Variants in FAM186B observed in about 807,000 individuals in gnomAD.
FAM186B encodes protein FAM186B.
Under a neutral mutation model 83.4 loss-of-function variants are expected in FAM186B, and 68 were observed. That is an observed-to-expected ratio of 0.81 (90% CI 0.67 to 1.00). The LOEUF (loss-of-function observed/expected upper bound fraction) is 1.00, where lower values mean the gene tolerates loss of function less well. FAM186B is among the 50% of genes least tolerant of loss of function. The pLI is 0.00. For missense variants in FAM186B, 983 were observed against 1,099.2 expected, an observed-to-expected ratio of 0.89 and a Z score of 1.49; for synonymous variants, 389 against 422.0, an observed-to-expected ratio of 0.92 and a Z score of 0.96.
chr12:49,600,986 C>G lies in FAM186B; in HGVS notation c.654G>C (p.Glu218Asp). ...KASEVTSMLQ[E>D]LLDSTMFSKG... ...TGCTGAACATGGTAGAGTCCAGGAG[C>G]TCCTGCAGCATGGACGTCACCTCCG... The change falls in exon 4 of 7, where the codon GAG becomes GAC. Residue 218 changes from glutamate (E) to aspartate (D), a missense_variant. Transcript: ENST00000257894. This position sits in a 1 kb window ranked among gnomAD's most constrained non-coding sequence, Gnocchi z 4.3. The G allele has an allele frequency of 6.2e-7, 1 of 1,614,160 alleles. No individual in the cohort carries two copies. The highest frequency in any genetic ancestry group is 8.5e-7 in the Non-Finnish European group (1 of 1,180,004).
At chr12:49,613,243 C>A in the FAM186B span, among the ~76,000 whole-genome samples, 3 of 151,934 alleles carry the variant, frequency 2.0e-5, no homozygotes, top group South Asian at 2.1e-4. Flanking sequence ...AAAGTTAGAT[C>A]TCGGCCTGGT....
the FAM186B span, among the ~76,000 whole-genome samples, chr12:49,615,766 G>A: frequency 6.6e-6 from 1 of 151,644 alleles, no homozygotes; most frequent in Non-Finnish European, 1.5e-5. Context: ...TCCAGCCCGG[G>A]CAACAGAGCA....
intron 3 of FAM186B, among the ~76,000 whole-genome samples, chr12:49,601,712 A>T (rs1939899109): frequency 6.6e-6 from 1 of 151,376 alleles, no homozygotes; most frequent in South Asian, 2.1e-4. Flanking sequence ...CCCCAGGAAA[A>T]TGCACTACAC....
chr12:49,621,506 G>A, the FAM186B span, among the ~76,000 whole-genome samples: 3 of 152,328 alleles, frequency 2.0e-5, no homozygotes, highest in South Asian at 4.1e-4. Context: ...GCAGTCTCCA[G>A]CAGTGATGTC....
At position 49,605,638 on chromosome 12, in the gene FAM186B, C is replaced by A. The variant is rs991740606; in HGVS notation, c.-161G>T. 7.8e-6 allele frequency: 5 copies of A among 638,916 alleles called. No individual in the cohort carries two copies. The East Asian group carries it at 1.5e-4, about 19-fold the overall frequency. The allele number at this position is 638,916 out of a possible 1,614,324, so 39.6% of individuals were successfully genotyped here. ...GTAACTGCCAAACACCAGGTTCCAA[C>A]TGATCCTCTTTTCCCCAGTGACATC... is the stretch of plus-strand genomic sequence containing the variant. On this transcript the variant is annotated 5_prime_UTR_variant, in exon 1 of 7. Coordinates refer to ENST00000257894, the MANE Select transcript of FAM186B (RefSeq NM_032130.3).
the FAM186B span, among the ~76,000 whole-genome samples, chr12:49,610,789 CAAAAAA>C: frequency 1.6e-5 from 1 of 63,616 alleles, no homozygotes; most frequent in Non-Finnish European, 3.2e-5. Context: ...GACTCCATCT[CAAAAAA>C]AAAAAAAAAA....
At chr12:49,588,939 G>C (rs1222513049) in intron 5 of FAM186B, among the ~76,000 whole-genome samples, 3 of 152,208 alleles carry the variant, frequency 2.0e-5, no homozygotes, top group Non-Finnish European at 4.4e-5. Context: ...CTCCAGGCAG[G>C]GTTCATGGCA....
chr12:49,600,555 A>T lies in FAM186B; in HGVS notation c.1085T>A (p.Met362Lys), dbSNP rs757364282. The change falls in exon 4 of 7, where the codon ATG (methionine) becomes AAG (lysine). Residue 362 changes from methionine (M) to lysine (K), a missense_variant. Met to Lys is a moderately conservative substitution (Grantham distance 95, BLOSUM62 -1). Coordinates refer to ENST00000257894, the MANE Select transcript of FAM186B (RefSeq NM_032130.3). The surrounding 1 kb of genome is among the most constrained non-coding windows in gnomAD (Gnocchi z 4.3). ...TVMEESQQEP[M>K]KEEQLFSPLP... The stretch of plus-strand genomic sequence containing the variant: ...TGGCGAGAACAACTGCTCCTCCTTC[A>T]TCGGTTCCTGTTGGCTTTCCTCCAT... The T allele has an allele frequency of 6.2e-7, 1 of 1,613,680 alleles. No individual in the cohort carries two copies. The highest frequency in any genetic ancestry group is 1.1e-5 in the South Asian group (1 of 90,994).
the FAM186B span, among the ~76,000 whole-genome samples, chr12:49,613,744 C>T: frequency 3.3e-5 from 5 of 151,396 alleles, no homozygotes; most frequent in South Asian, 2.1e-4. Flanking sequence ...GAGGCTGAGG[C>T]GGGAGGATCA....
At chr12:49,589,794 A>G (rs540951123) in intron 5 of FAM186B, among the ~76,000 whole-genome samples, 1 of 152,226 alleles carries the variant, frequency 6.6e-6, no homozygotes, top group East Asian at 1.9e-4. Flanking sequence ...CATCCTGGCC[A>G]ACATGGTGAA....
chr12:49,595,435 T>G (rs759286695), intron 5 of FAM186B: 24 of 500,436 alleles, frequency 4.8e-5, no homozygotes, highest in Non-Finnish European at 8.7e-5. Flanking sequence ...AGCCACTATC[T>G]GTGCAGGTCC....
rs1939966750 is a variant in FAM186B at position 49,604,428 on chromosome 12, T to G, written c.207A>C (p.Arg69Ser). 1 of 1,614,156 alleles carries G rather than the reference T, an allele frequency of 6.2e-7. No individual in the cohort carries two copies. The highest frequency in any genetic ancestry group is 1.7e-5 in the Admixed American group (1 of 60,014). Reference sequence around the variant, plus strand: ...TGAATCTCTTCTTGCCCTTTGGATCTCTCTGCTGAGATTTGGCATTTTCTT... The same window carrying G: ...TGAATCTCTTCTTGCCCTTTGGATCGCTCTGCTGAGATTTGGCATTTTCTT... The part of the protein sequence containing the change: ...DLKENAKSQQ[R>S]DPKGKKRFIL... The change falls in exon 2 of 7, where the codon AGA (arginine) becomes AGC (serine). Residue 69 changes from arginine to serine, a missense_variant. Arg to Ser is a moderately radical substitution (Grantham distance 110). Coordinates refer to ENST00000257894, the MANE Select transcript of FAM186B (RefSeq NM_032130.3).
At chr12:49,622,025 AAAG>A in the FAM186B span, among the ~76,000 whole-genome samples, 7 of 152,286 alleles carry the variant, frequency 4.6e-5, no homozygotes, top group Non-Finnish European at 1.0e-4. Context: ...TCATTAAAGA[AAAG>A]AAAAGCATTT....
chr12:49,594,134 A>G (rs1939656209), intron 5 of FAM186B: 1 of 272,392 alleles, frequency 3.7e-6, no homozygotes, highest in Non-Finnish European at 7.7e-6. Flanking sequence ...CCAATGATAT[A>G]TATCTGTGGA....
chr12:49,595,316 C>G, intron 5 of FAM186B: 2 of 640,530 alleles, frequency 3.1e-6, no homozygotes, highest in South Asian at 1.4e-5. Flanking sequence ...AAAGAGGGAC[C>G]ATATGACATA....
At chr12:49,595,181 A>T in intron 5 of FAM186B, 1 of 510,548 alleles carries the variant, frequency 2.0e-6, no homozygotes, top group South Asian at 2.0e-5. Context: ...GGAGACGGTC[A>T]TCCTGTAGAT....
chr12:49,602,977 C>A (rs1214494951), intron 3 of FAM186B, among the ~76,000 whole-genome samples: 1 of 152,212 alleles, frequency 6.6e-6, no homozygotes, highest in African/African-American at 2.4e-5. Flanking sequence ...CCACATCACA[C>A]CTCCCTTAGC....
At chr12:49,584,641 G>C (rs11169078), downstream of FAM186B, 3 of 702,166 alleles carry the variant, frequency 4.3e-6, no homozygotes, top group East Asian at 5.4e-5. Context: ...AGTTACAGGT[G>C]GGGGAGTAAC....
At chr12:49,605,734 T>C, upstream of FAM186B, 2 of 335,260 alleles carry the variant, frequency 6.0e-6, no homozygotes, top group Non-Finnish European at 1.1e-5. Flanking sequence ...ACCTAACATA[T>C]ATTTACTTGA....
Sources: gnomAD v4.1 joint callset for allele counts (sites outside exome capture counted in the v4.1 genomes callset) on GRCh38, gnomAD v4.1.1 for gene constraint, Gnocchi (gnomAD v3.1) non-coding constraint, MANE v1.5 for transcripts, NCBI Gene and HGNC (gene_info 2026-07-23, HGNC 2026-07-21) for gene names.